Variants in FGF7 observed in about 807,000 individuals in gnomAD.
The protein encoded by FGF7 is FGF-7.
Under a neutral mutation model 20.5 loss-of-function variants are expected in FGF7, and 6 were observed. That is an observed-to-expected ratio of 0.29 (90% CI 0.16 to 0.58). The LOEUF (loss-of-function observed/expected upper bound fraction) is 0.58. Among genes scored for constraint, FGF7 ranks in the 20% least tolerant of loss-of-function variants. The pLI is 0.90. For synonymous variants in FGF7, 64 were observed against 74.7 expected, an observed-to-expected ratio of 0.86 and a Z score of 0.74; for missense variants, 144 against 228.8, an observed-to-expected ratio of 0.63 and a Z score of 2.39.
In FGF7 at chr15:49,458,917, G is replaced by A. The variant is rs542637403; in HGVS notation, c.287-24234G>A. On this transcript the variant is annotated intron_variant, in intron 2 of 3. Transcript: ENST00000267843. The stretch of plus-strand genomic sequence containing the variant: ...ACTCTATTTAGTAATTATTTTTTAC[G>A]AGACTAGTTGATAAAAATGACCACT... Among the ~76,000 whole-genome samples, 43 of 151,922 alleles carry A rather than the reference G, an allele frequency of 2.8e-4. 1 individual carries two copies. Among genetic ancestry groups the A allele is most frequent in the African/African-American group, 8.2e-4 (34 of 41,440 alleles).
intron 2 of FGF7, among the ~76,000 whole-genome samples, chr15:49,455,003 G>C (rs576886190): frequency 2.0e-5 from 3 of 152,148 alleles, no homozygotes; most frequent in Non-Finnish European, 4.4e-5. Context: ...ATGGAAAACA[G>C]GTACCTTGCC....
chr15:49,429,625 T>C lies in FGF7; in HGVS notation c.286+5042T>C, dbSNP rs187555351. 2.2e-3 allele frequency among the ~76,000 whole-genome samples: 339 copies of C among 152,024 alleles called. 2 individuals carry two copies. Among genetic ancestry groups the C allele is most frequent in the Non-Finnish European group, 3.1e-3 (210 of 67,920 alleles). Reference sequence around the variant, plus strand: ...GGTTGCCTTTCTACATTTTTCTATCTCTCAACCTTGTCTAAATATTACAAT... The same window carrying C: ...GGTTGCCTTTCTACATTTTTCTATCCCTCAACCTTGTCTAAATATTACAAT... On this transcript the variant is annotated intron_variant, in intron 2 of 3. Coordinates refer to ENST00000267843, the MANE Select transcript of FGF7 (RefSeq NM_002009.4).
chr15:49,450,208 C>G (rs568942852), intron 2 of FGF7, among the ~76,000 whole-genome samples: 55 of 152,200 alleles, frequency 3.6e-4, no homozygotes, highest in African/African-American at 1.2e-3. Context: ...TATCAAGACT[C>G]AAGTGACAGA....
chr15:49,441,354 C>A (rs2051623701), intron 2 of FGF7, among the ~76,000 whole-genome samples: 1 of 151,676 alleles, frequency 6.6e-6, no homozygotes. Flanking sequence ...TAACATATGT[C>A]TTGGATTCAG....
At chr15:49,430,518 G>A (rs2050512607) in intron 2 of FGF7, among the ~76,000 whole-genome samples, 1 of 151,806 alleles carries the variant, frequency 6.6e-6, no homozygotes. Flanking sequence ...GCTTTGTGTT[G>A]ATATAAGAGA....
At chr15:49,439,087 T>A (rs1343194059) in intron 2 of FGF7, among the ~76,000 whole-genome samples, 1 of 151,676 alleles carries the variant, frequency 6.6e-6, no homozygotes, top group Non-Finnish European at 1.5e-5. Context: ...AGGGCTGAAG[T>A]CTTCTTATGT....
chr15:49,460,998 G>A (rs2053743572), intron 2 of FGF7, among the ~76,000 whole-genome samples: 1 of 152,154 alleles, frequency 6.6e-6, no homozygotes, highest in African/African-American at 2.4e-5. Context: ...TAAAGAATGA[G>A]TGATATTCAT....
intron 2 of FGF7, among the ~76,000 whole-genome samples, chr15:49,460,845 T>C (rs1441877434): frequency 1.3e-5 from 2 of 152,150 alleles, no homozygotes; most frequent in Non-Finnish European, 2.9e-5. Flanking sequence ...AAGAAGAACA[T>C]TGTTTGTTTG....
chr15:49,450,769 T>C (rs1179480751), intron 2 of FGF7, among the ~76,000 whole-genome samples: 18 of 152,176 alleles, frequency 1.2e-4, no homozygotes, highest in Admixed American at 9.2e-4. Context: ...TTTGTTATGA[T>C]AGTTCATTTA....
At chr15:49,433,537 G>A (rs2050806021) in intron 2 of FGF7, among the ~76,000 whole-genome samples, 2 of 151,506 alleles carry the variant, frequency 1.3e-5, no homozygotes, top group Non-Finnish European at 3.0e-5. Context: ...TAAAAGCCTT[G>A]CTGAAATAAA....
At chr15:49,459,407 C>T (rs898107721) in intron 2 of FGF7, among the ~76,000 whole-genome samples, 1 of 152,134 alleles carries the variant, frequency 6.6e-6, no homozygotes, top group Admixed American at 6.6e-5. Flanking sequence ...TTCTGAACCT[C>T]CTAGTCCATG....
intron 2 of FGF7, chr15:49,434,613 G>C (rs1328414287): frequency 6.6e-6 from 1 of 151,526 alleles, no homozygotes; most frequent in Non-Finnish European, 1.5e-5. Context: ...AATGAAAAGT[G>C]ATTTAACATC....
intron 2 of FGF7, among the ~76,000 whole-genome samples, chr15:49,437,161 C>A (rs1848975151): frequency 6.6e-6 from 1 of 151,392 alleles, no homozygotes; most frequent in Admixed American, 6.6e-5. Flanking sequence ...TATCCAGACA[C>A]TACATATATT....
chr15:49,432,107 G>A lies in FGF7; in HGVS notation c.286+7524G>A, dbSNP rs1457146035. On this transcript the variant is annotated intron_variant, in intron 2 of 3. Transcript: ENST00000267843. The stretch of plus-strand genomic sequence containing the variant: ...GATTAATGTAAGAGAAATAAGACAT[G>A]TTTCAATATCCTCAAATATCACATT... Among the ~76,000 whole-genome samples the A allele has an allele frequency of 2.0e-5, 3 of 151,642 alleles. No homozygotes were observed. The East Asian group carries it at 5.8e-4, about 29-fold the overall frequency.
rs1567376656 is a variant in FGF7 at position 49,487,816 on chromosome 15, C to T, written c.*3312C>T. Reference sequence around the variant, plus strand: ...TATATTTGTGGTTGCGTTAATATGACAATGTCTGCAATTAAACACCAGTAA... The same window carrying T: ...TATATTTGTGGTTGCGTTAATATGATAATGTCTGCAATTAAACACCAGTAA... On this transcript the variant is annotated 3_prime_UTR_variant, in exon 4 of 4. Coordinates refer to ENST00000267843, the MANE Select transcript of FGF7 (RefSeq NM_002009.4). 1 of 151,928 alleles carries T rather than the reference C, an allele frequency of 6.6e-6. No homozygotes were observed. Among genetic ancestry groups the T allele is most frequent in the Non-Finnish European group, 1.5e-5 (1 of 67,916 alleles). 9.4% of individuals were successfully genotyped at this position (151,928 alleles called of 1,614,324 possible).
chr15:49,424,219 T>G lies in FGF7; in HGVS notation c.-79T>G. The G allele has an allele frequency of 7.8e-7, 1 of 1,278,970 alleles. No individual in the cohort carries two copies. The highest frequency in any genetic ancestry group is 1.1e-6 in the Non-Finnish European group (1 of 900,958). The allele number at this position is 1,278,970 out of a possible 1,614,324, so 79.2% of individuals were successfully genotyped here. On this transcript the variant is annotated 5_prime_UTR_variant, in exon 2 of 4. Transcript: ENST00000267843. ...TCTACAATTCACAGATAGGAAGAGG[T>G]CAATGACCTAGGAGTAACAATCAAC...
At chr15:49,439,437 G>A (rs1013044874) in intron 2 of FGF7, among the ~76,000 whole-genome samples, 4 of 151,732 alleles carry the variant, frequency 2.6e-5, no homozygotes, top group African/African-American at 4.8e-5. Context: ...CGTGGGGGGA[G>A]GGAACTACCC....
At chr15:49,471,239 A>G (rs1196350058) in intron 2 of FGF7, among the ~76,000 whole-genome samples, 5 of 126,750 alleles carry the variant, frequency 3.9e-5, no homozygotes, top group Non-Finnish European at 8.5e-5. Context: ...TAATCCCAGC[A>G]CTTTGGGAGG....
chr15:49,426,814 T>C (rs1382437240), intron 2 of FGF7, among the ~76,000 whole-genome samples: 1 of 151,930 alleles, frequency 6.6e-6, no homozygotes, highest in African/African-American at 2.4e-5. Context: ...ATGTAAATAA[T>C]TTTTACTTCT....
Sources: allele counts gnomAD v4.1 joint callset (sites outside exome capture counted in the v4.1 genomes callset), GRCh38; gene constraint gnomAD v4.1.1; transcripts MANE v1.5; gene names NCBI Gene and HGNC (gene_info 2026-07-23, HGNC 2026-07-21).